The following SCN2A variants were observed in gnomAD, a reference collection of about 807,000 sequenced individuals.
SCN2A encodes sodium voltage-gated channel alpha subunit 2, also known as sodium channel protein type 2 subunit alpha.
Under a neutral mutation model 188.7 loss-of-function variants are expected in SCN2A, and 20 were observed. The ratio of observed to expected loss-of-function variants is 0.11; its 90% CI spans 0.07 to 0.15. SCN2A has a LOEUF of 0.15. Among genes scored for constraint, SCN2A ranks in the 10% least tolerant of loss-of-function variants. The probability of loss-of-function intolerance (pLI) is 1.00; values close to 1 mark genes in which losing one functional copy is unlikely to be tolerated. For synonymous variants in SCN2A, 804 were observed against 833.1 expected (o/e 0.97, Z 0.60); for missense variants, 1,278 against 2,445.0 (o/e 0.52, Z 10.07).
chr2:165,320,868 C>T (rs1221072696), intron 11 of SCN2A, among the ~76,000 whole-genome samples: 1 of 152,182 alleles, frequency 6.6e-6, no homozygotes, highest in Non-Finnish European at 1.5e-5. Context: ...CTCTGACATG[C>T]CCTGGAGACA....
intron 8 of SCN2A, among the ~76,000 whole-genome samples, chr2:165,312,904 T>A (rs968629474): frequency 6.6e-6 from 1 of 152,172 alleles, no homozygotes; most frequent in Non-Finnish European, 1.5e-5. Context: ...ATTTGGCTCC[T>A]ACGATCAGTG....
At chr2:165,261,353 T>C (rs1039693271) in intron 1 of SCN2A, among the ~76,000 whole-genome samples, 3 of 152,200 alleles carry the variant, frequency 2.0e-5, no homozygotes, top group African/African-American at 4.8e-5. Context: ...AATAGGATCA[T>C]TGTTAGGCTG....
In SCN2A at chr2:165,342,483, G is replaced by T; in HGVS notation, c.2562+14G>T. Reference sequence around the variant, plus strand: ...TCATTCCGGCTGGTAAATTAACTGGGAGTGTTCATAAAATGTACTTTGTAA... The same window carrying T: ...TCATTCCGGCTGGTAAATTAACTGGTAGTGTTCATAAAATGTACTTTGTAA... On this transcript the variant is annotated intron_variant, in intron 15 of 26. Coordinates refer to ENST00000375437, the MANE Select transcript of SCN2A (RefSeq NM_001040142.2). 6 of 1,613,646 alleles carry T rather than the reference G, an allele frequency of 3.7e-6. No homozygotes were observed. The highest frequency in any genetic ancestry group is 1.1e-5 in the South Asian group (1 of 91,018).
At chr2:165,270,811 A>G (rs747928266) in intron 1 of SCN2A, 2 of 152,156 alleles carry the variant, frequency 1.3e-5, no homozygotes, top group Admixed American at 6.6e-5. Context: ...CTGCACATCA[A>G]CTTCAGATCT....
At chr2:165,313,542 G>A in intron 8 of SCN2A, 78 bp from the exon 9 acceptor site, 4 of 1,545,856 alleles carry the variant, frequency 2.6e-6, no homozygotes, top group Non-Finnish European at 3.6e-6. Context: ...AACAGACATT[G>A]GCATATATTA....
chr2:165,274,692 G>T (rs1044344950), intron 1 of SCN2A, among the ~76,000 whole-genome samples: 9 of 152,096 alleles, frequency 5.9e-5, no homozygotes. Flanking sequence ...ATATTTCCAG[G>T]CATTAAGGAC....
At chr2:165,281,621 GTAAA>G (rs1273583692) in intron 1 of SCN2A, among the ~76,000 whole-genome samples, 1 of 152,102 alleles carries the variant, frequency 6.6e-6, no homozygotes, top group Non-Finnish European at 1.5e-5. Flanking sequence ...TTTCCTCTGA[GTAAA>G]TAGAGAGTCA....
chr2:165,257,594 A>G (rs1232285658), intron 1 of SCN2A, among the ~76,000 whole-genome samples: 1 of 152,000 alleles, frequency 6.6e-6, no homozygotes, highest in African/African-American at 2.4e-5. Flanking sequence ...GCTGGAGTGC[A>G]GCGGCGCGAT....
At chr2:165,313,144 C>G (rs1048069826) in intron 8 of SCN2A, among the ~76,000 whole-genome samples, 3 of 152,070 alleles carry the variant, frequency 2.0e-5, no homozygotes, top group Non-Finnish European at 4.4e-5. Context: ...GACATTGAAG[C>G]CAGGTCTGCT....
intron 8 of SCN2A, among the ~76,000 whole-genome samples, chr2:165,312,710 A>G (rs1559354855): frequency 1.3e-5 from 2 of 152,088 alleles, no homozygotes; most frequent in Admixed American, 6.6e-5. Flanking sequence ...GGATCATGCA[A>G]ATGTTTGCTA....
chr2:165,295,327 A>G (rs985720043), intron 1 of SCN2A, among the ~76,000 whole-genome samples: 1 of 152,222 alleles, frequency 6.6e-6, no homozygotes, highest in Admixed American at 6.5e-5. Flanking sequence ...ACTTGGAGAG[A>G]TATGTGCAAG....
In SCN2A at chr2:165,310,304, C is replaced by T; in HGVS notation, c.698-19C>T. On this transcript the variant is annotated intron_variant, in intron 6 of 26. Transcript: ENST00000375437. ...GTTGAGTAGTATATTTAAATTCCCC[C>T]TTCTGATTTTGTTTGTAGGCCTGAA... is the stretch of plus-strand genomic sequence containing the variant. The T allele has an allele frequency of 6.2e-7, 1 of 1,613,158 alleles. No homozygotes were observed. Among genetic ancestry groups the T allele is most frequent in the Non-Finnish European group, 8.5e-7 (1 of 1,179,298 alleles).
chr2:165,369,865 G>A (rs924644380), intron 19 of SCN2A, among the ~76,000 whole-genome samples: 4 of 152,128 alleles, frequency 2.6e-5, no homozygotes, highest in African/African-American at 4.8e-5. Context: ...GAAGCAGCTG[G>A]CAGTCTCTCA....
chr2:165,324,715 TC>T (rs751165149), intron 12 of SCN2A, among the ~76,000 whole-genome samples: 3 of 152,212 alleles, frequency 2.0e-5, no homozygotes, highest in Admixed American at 6.5e-5. Context: ...AGTAACATTA[TC>T]CCAATTTTAC....
At chr2:165,313,545 A>T (rs567187064) in intron 8 of SCN2A, 75 bp from the exon 9 acceptor site, 2 of 1,559,668 alleles carry the variant, frequency 1.3e-6, no homozygotes, top group African/African-American at 2.7e-5. Flanking sequence ...AGACATTGGC[A>T]TATATTAAAA....
At chr2:165,335,899 C>A (rs1224317981) in intron 14 of SCN2A, among the ~76,000 whole-genome samples, 2 of 151,614 alleles carry the variant, frequency 1.3e-5, no homozygotes, top group Admixed American at 6.6e-5. Flanking sequence ...AACTCCACAA[C>A]AAATAAAATA....
intron 18 of SCN2A, among the ~76,000 whole-genome samples, chr2:165,365,559 G>A (rs1700684966): frequency 6.6e-6 from 1 of 151,424 alleles, no homozygotes; most frequent in Non-Finnish European, 1.5e-5. Context: ...ATTATTAACT[G>A]GCTTTTCTGT....
chr2:165,261,564 C>A (rs10168502), intron 1 of SCN2A, among the ~76,000 whole-genome samples: 1 of 152,022 alleles, frequency 6.6e-6, no homozygotes, highest in Admixed American at 6.5e-5. Context: ...TTTTAAATCA[C>A]TTTCAGAAAT....
intron 11 of SCN2A, among the ~76,000 whole-genome samples, chr2:165,319,057 G>A (rs1697924734): frequency 6.6e-6 from 1 of 152,170 alleles, no homozygotes; most frequent in African/African-American, 2.4e-5. Flanking sequence ...GTAGTTCTAG[G>A]CCGGGTGTGG....
Sources: allele counts gnomAD v4.1 joint callset (sites outside exome capture counted in the v4.1 genomes callset), GRCh38; gene constraint gnomAD v4.1.1; transcripts MANE v1.5; gene names NCBI Gene and HGNC (gene_info 2026-07-23, HGNC 2026-07-21).